GRID2: variants seen among roughly 807,000 people sequenced by gnomAD.
GRID2 encodes glutamate ionotropic receptor delta type subunit 2, also known as glutamate receptor ionotropic, delta-2.
GRID2 carries 33 observed loss-of-function variants against 114.8 expected under a neutral mutation model. The ratio of observed to expected loss-of-function variants is 0.29; its 90% confidence interval spans 0.22 to 0.38. The LOEUF is 0.38. Ranked by LOEUF, GRID2 falls within the 10% of genes least tolerant of loss-of-function variation. The pLI, the probability that GRID2 is intolerant of heterozygous loss-of-function variation, is 1.00. For missense variants in GRID2, 1,184 were observed against 1,257.7 expected (o/e 0.94, Z 0.89); for synonymous variants, 505 against 449.9 (o/e 1.12, Z -1.55).
At position 92,835,232 on chromosome 4, in the gene GRID2, A is replaced by G. The variant is rs571818381; in HGVS notation, c.244+244946A>G. On this transcript the variant is annotated intron_variant, in intron 2 of 15. Coordinates refer to ENST00000282020, the MANE Select transcript of GRID2 (RefSeq NM_001510.4). Reference sequence around the variant, plus strand: ...AACAAATGAAGATGAGGTTGAGGGTAGGGAAAGTATCTCAAAGTGTCAAAA... The same window carrying G: ...AACAAATGAAGATGAGGTTGAGGGTGGGGAAAGTATCTCAAAGTGTCAAAA... Among the ~76,000 whole-genome samples the G allele has an allele frequency of 9.2e-5, 14 of 151,848 alleles. No individual in the cohort carries two copies. In the South Asian group the frequency reaches 2.9e-3, roughly 32 times the overall value.
chr4:92,625,866 ATAATACC>A (rs1730497616), intron 2 of GRID2, among the ~76,000 whole-genome samples: 1 of 151,986 alleles, frequency 6.6e-6, no homozygotes, highest in Non-Finnish European at 1.5e-5. Flanking sequence ...TAGATAATTG[ATAATACC>A]TAAAACGATT....
intron 2 of GRID2, among the ~76,000 whole-genome samples, chr4:92,642,083 G>A (rs1731382827): frequency 1.3e-5 from 2 of 151,384 alleles, no homozygotes; most frequent in Admixed American, 1.3e-4. Context: ...GATGTTTCAT[G>A]TTCAGTGCTA....
intron 2 of GRID2, among the ~76,000 whole-genome samples, chr4:93,039,918 G>T (rs552762214): frequency 7.9e-4 from 121 of 152,268 alleles, no homozygotes; most frequent in Middle Eastern, 3.4e-3. Context: ...TGTGCAAAAA[G>T]TTGGGCTACA....
At chr4:93,292,810 T>G (rs983939131) in intron 8 of GRID2, among the ~76,000 whole-genome samples, 29 of 152,206 alleles carry the variant, frequency 1.9e-4, no homozygotes, top group African/African-American at 7.0e-4. Context: ...CTCTGCTTCC[T>G]TTCCTCCTTA....
At chr4:92,859,108 CA>C (rs1744364999) in intron 2 of GRID2, among the ~76,000 whole-genome samples, 1 of 152,048 alleles carries the variant, frequency 6.6e-6, no homozygotes, top group African/African-American at 2.4e-5. Context: ...AAGAAAGAAT[CA>C]ATGTGGCAAA....
At chr4:92,873,701 G>A (rs532500978) in intron 2 of GRID2, among the ~76,000 whole-genome samples, 4 of 152,048 alleles carry the variant, frequency 2.6e-5, no homozygotes, top group African/African-American at 9.6e-5. Context: ...TCTAATTGAG[G>A]TTTTTTTGTT....
chr4:93,750,439 T>C (rs1366818372), intron 14 of GRID2, among the ~76,000 whole-genome samples: 2 of 152,148 alleles, frequency 1.3e-5, no homozygotes, highest in East Asian at 3.9e-4. Flanking sequence ...ATCCCTAGAA[T>C]AGTCACGTAC....
At chr4:92,852,221 T>A (rs1743866444) in intron 2 of GRID2, among the ~76,000 whole-genome samples, 1 of 151,842 alleles carries the variant, frequency 6.6e-6, no homozygotes, top group South Asian at 2.1e-4. Flanking sequence ...GGTATTTGTC[T>A]ATAAAAAATC....
intron 12 of GRID2, among the ~76,000 whole-genome samples, chr4:93,513,662 A>T (rs1490533159): frequency 6.6e-6 from 1 of 152,208 alleles, no homozygotes; most frequent in Non-Finnish European, 1.5e-5. Context: ...TATGCAACAG[A>T]TGTGTAGAGC....
At chr4:93,192,711 C>T (rs1414424508) in intron 4 of GRID2, among the ~76,000 whole-genome samples, 4 of 140,728 alleles carry the variant, frequency 2.8e-5, no homozygotes, top group African/African-American at 1.1e-4. Context: ...TGTGCCATTG[C>T]ACTCCAGCCT....
rs374167901 is a variant in GRID2, at chr4:93,490,771, C to A, written c.1991C>A (p.Ser664Tyr). The A allele has an allele frequency of 3.7e-6, 6 of 1,605,494 alleles. No individual in the cohort carries two copies. Among genetic ancestry groups the A allele is most frequent in the Non-Finnish European group, 5.1e-6 (6 of 1,174,234 alleles). The change falls in exon 12 of 16, where the codon TCC (serine) becomes TAC (tyrosine). Residue 664 changes from serine (S) to tyrosine (Y), a missense_variant. Ser to Tyr is a moderately radical substitution (Grantham distance 144). Coordinates refer to ENST00000282020, the MANE Select transcript of GRID2 (RefSeq NM_001510.4). ...CTCACTATTACACGCATTGAAAGTT[C>A]CATCCAGTAAGTAAACAATGTTTCC... ...AFLTITRIES[S>Y]IQSLQDLSKQ... is the part of the protein sequence containing the mutation.
At chr4:93,383,168 C>T (rs1210384630) in intron 8 of GRID2, among the ~76,000 whole-genome samples, 1 of 152,246 alleles carries the variant, frequency 6.6e-6, no homozygotes, top group East Asian at 1.9e-4. Flanking sequence ...CTGGAAATTA[C>T]TTCAGCCAGA....
At chr4:93,309,355 C>G (rs148987638) in intron 8 of GRID2, among the ~76,000 whole-genome samples, 1 of 151,898 alleles carries the variant, frequency 6.6e-6, no homozygotes, top group Admixed American at 6.6e-5. Context: ...GCCAACATGG[C>G]GAAACCCTGT....
intron 8 of GRID2, among the ~76,000 whole-genome samples, chr4:93,365,278 A>G (rs927916653): frequency 6.6e-6 from 1 of 152,134 alleles, no homozygotes; most frequent in African/African-American, 2.4e-5. Flanking sequence ...ATTTTTGTCA[A>G]TAGTTAAAGA....
intron 1 of GRID2, among the ~76,000 whole-genome samples, chr4:93,792,222 A>G (rs960972206): frequency 2.6e-5 from 4 of 152,146 alleles, no homozygotes; most frequent in Admixed American, 2.0e-4. Context: ...TTGTCAGCAA[A>G]AGTTAACTCA....
At chr4:92,634,817 C>T (rs1452784674) in intron 2 of GRID2, among the ~76,000 whole-genome samples, 1 of 121,624 alleles carries the variant, frequency 8.2e-6, no homozygotes, top group Non-Finnish European at 1.7e-5. Context: ...AGTGTAATAT[C>T]TAAAATTGAA....
intron 13 of GRID2, among the ~76,000 whole-genome samples, chr4:93,610,830 A>T (rs1740802897): frequency 8.0e-6 from 1 of 124,506 alleles, no homozygotes; most frequent in African/African-American, 3.5e-5. Flanking sequence ...TGGCCTCATA[A>T]AATGAGTTAG....
At chr4:92,325,660 A>AT (rs887389091) in intron 1 of GRID2, among the ~76,000 whole-genome samples, 89 of 151,574 alleles carry the variant, frequency 5.9e-4, no homozygotes, top group Non-Finnish European at 7.2e-4. Flanking sequence ...AATTTTTGTT[A>AT]TTTTTTTTAT....
In GRID2 at chr4:92,688,037, C is replaced by CCTTTTTTTTTTTTTTTTTTTTTTTTTTTT. The variant is rs1553916864; in HGVS notation, c.244+97751_244+97752insCTTTTTTTTTTTTTTTTTTTTTTTTTTTT. The stretch of plus-strand genomic sequence containing the variant: ...GCCACATTGGTTGACCCTTCTTCTT[C>CCTTTTTTTTTTTTTTTTTTTTTTTTTTTT]TTTTTTTTTTTTTTTTTTTTTTTTT... On this transcript the variant is annotated intron_variant, in intron 2 of 15. Coordinates refer to ENST00000282020, the MANE Select transcript of GRID2 (RefSeq NM_001510.4). 1.7e-3 allele frequency among the ~76,000 whole-genome samples: 74 copies of CCTTTTTTTTTTTTTTTTTTTTTTTTTTTT among 44,670 alleles called. 9 individuals carry two copies. The highest frequency in any genetic ancestry group is 3.7e-3 in the East Asian group (7 of 1,888). The allele number at this position is 44,670 out of a possible 152,430, so 29.3% of individuals were successfully genotyped here. A position where few individuals can be genotyped will look rare whatever the true frequency, so the allele number is the denominator to read the frequency against.
Sources: gnomAD v4.1 joint callset for allele counts (sites outside exome capture counted in the v4.1 genomes callset) on GRCh38, gnomAD v4.1.1 for gene constraint, MANE v1.5 for transcripts, NCBI Gene and HGNC (gene_info 2026-07-23, HGNC 2026-07-21) for gene names.